Variants in SMOC1 observed in about 807,000 individuals in gnomAD.
The protein encoded by SMOC1 is SPARC related modular calcium binding 1, also known as SPARC-related modular calcium-binding protein 1.
A neutral mutation model predicts 56.3 loss-of-function variants in SMOC1; 22 were observed. The observed-to-expected ratio is 0.39, with a 90% CI of 0.28 to 0.56. The LOEUF is 0.56. Ranked by LOEUF, SMOC1 falls within the 20% of genes least tolerant of loss-of-function variation. The pLI is 0.61. For synonymous variants in SMOC1, 193 were observed against 215.0 expected, an observed-to-expected ratio of 0.90 and a Z score of 0.89; for missense variants, 509 against 565.4, an observed-to-expected ratio of 0.90 and a Z score of 1.01.
intron 7 of SMOC1, among the ~76,000 whole-genome samples, chr14:69,996,819 G>C (rs1477791954): frequency 6.6e-6 from 1 of 152,138 alleles, no homozygotes; most frequent in South Asian, 2.1e-4. Context: ...TGATCAACTG[G>C]TAATATTGAC....
intron 1 of SMOC1, among the ~76,000 whole-genome samples, chr14:69,886,439 A>C (rs928255994): frequency 8.5e-5 from 13 of 152,258 alleles, no homozygotes; most frequent in Non-Finnish European, 1.9e-4. Context: ...GTCCAACCTG[A>C]ACCCCTGCTG....
Position 70,010,823 on chromosome 14 carries a change from G to T in SMOC1, c.734G>T (p.Gly245Val). The change falls in exon 8 of 12, where the codon GGT becomes GTT. Residue 245 changes from glycine (G) to valine (V), a missense_variant. Gly to Val is a moderately radical substitution (Grantham distance 109, BLOSUM62 -3). This residue lies in a region of SMOC1 where 315 missense variants were observed against 333.1 expected (regional missense o/e 0.95). Coordinates refer to ENST00000361956, the MANE Select transcript of SMOC1 (RefSeq NM_001034852.3). ...GAGGCCCAGCAGAATCCCCGTGAGG[G>T]TATTGTCATCCCTGAATGTGCCCCT... is the stretch of plus-strand genomic sequence containing the variant. ...LEEAQQNPRE[G>V]IVIPECAPGG... is the part of the protein sequence containing the mutation. The T allele has an allele frequency of 6.2e-7, 1 of 1,614,232 alleles. No homozygotes were observed. Among genetic ancestry groups the T allele is most frequent in the Non-Finnish European group, 8.5e-7 (1 of 1,180,036 alleles).
At chr14:69,905,966 A>G (rs192738908) in intron 1 of SMOC1, among the ~76,000 whole-genome samples, 7 of 152,350 alleles carry the variant, frequency 4.6e-5, no homozygotes, top group Admixed American at 3.3e-4. Context: ...GCAATCACCA[A>G]TGTGTAGATG....
In SMOC1 at chr14:70,030,711, C is replaced by T. The variant is rs1378356157; in HGVS notation, c.*453C>T. On this transcript the variant is annotated 3_prime_UTR_variant, in exon 12 of 12. Coordinates refer to ENST00000361956, the MANE Select transcript of SMOC1 (RefSeq NM_001034852.3). ...TGGTGGGCACTCTGGACACATAGTC[C>T]AGCTTTCTAAAATCCAGGACTCTAT... The T allele has an allele frequency of 1.8e-5, 3 of 162,770 alleles. No individual in the cohort carries two copies. Among genetic ancestry groups the T allele is most frequent in the Non-Finnish European group, 4.0e-5 (3 of 74,870 alleles). 10.1% of individuals were successfully genotyped at this position (162,770 alleles called of 1,614,324 possible).
chr14:69,962,028 G>T (rs1192025108), intron 3 of SMOC1, among the ~76,000 whole-genome samples: 1 of 152,136 alleles, frequency 6.6e-6, no homozygotes, highest in East Asian at 1.9e-4. Context: ...ATCTTTTCAT[G>T]TGCTTTTTGG....
intron 1 of SMOC1, among the ~76,000 whole-genome samples, chr14:69,939,581 T>C (rs1177628381): frequency 4.6e-5 from 7 of 152,218 alleles, no homozygotes. Flanking sequence ...AAGTTCTCTC[T>C]AAGTTTGGGG....
Position 69,992,484 on chromosome 14 carries a change from G to T in SMOC1, c.583+11G>T. The stretch of plus-strand genomic sequence containing the variant: ...TGTTCGATGGAGATGGTAAGATCTT[G>T]CATTACTTCTGATGTTCATTCTCCC... On this transcript the variant is annotated intron_variant, in intron 6 of 11. Coordinates refer to ENST00000361956, the MANE Select transcript of SMOC1 (RefSeq NM_001034852.3). 6.2e-7 allele frequency: 1 copy of T among 1,605,600 alleles called. No individual in the cohort carries two copies. Among genetic ancestry groups the T allele is most frequent in the Non-Finnish European group, 8.5e-7 (1 of 1,172,220 alleles).
intron 1 of SMOC1, among the ~76,000 whole-genome samples, chr14:69,889,826 C>A (rs1263455672): frequency 6.6e-6 from 1 of 152,200 alleles, no homozygotes; most frequent in Non-Finnish European, 1.5e-5. Context: ...CGGCTTGTGG[C>A]CCCTTCCACC....
At chr14:69,892,813 C>A (rs1216825895) in intron 1 of SMOC1, among the ~76,000 whole-genome samples, 1 of 152,106 alleles carries the variant, frequency 6.6e-6, no homozygotes, top group Non-Finnish European at 1.5e-5. Context: ...TGATACCATA[C>A]CACAACCAAA....
intron 3 of SMOC1, among the ~76,000 whole-genome samples, chr14:69,967,834 T>C (rs1883626458): frequency 6.6e-6 from 1 of 152,210 alleles, no homozygotes; most frequent in African/African-American, 2.4e-5. Context: ...TTTTCCCTTC[T>C]ACTCCTGTTG....
chr14:69,960,986 C>A (rs1883348949), intron 3 of SMOC1, among the ~76,000 whole-genome samples: 1 of 152,078 alleles, frequency 6.6e-6, no homozygotes, highest in African/African-American at 2.4e-5. Flanking sequence ...CACAGTTATG[C>A]AACCATCATC....
At position 69,879,642 on chromosome 14, in the gene SMOC1, C is replaced by T. The variant is rs1321915740; in HGVS notation, c.-37C>T. On this transcript the variant is annotated 5_prime_UTR_variant, in exon 1 of 12. Coordinates refer to ENST00000361956, the MANE Select transcript of SMOC1 (RefSeq NM_001034852.3). ...CTGTGCGCCCCGCGGAGCCCGCGAA[C>T]CCCGCTCGCTGCCGGCTGCCCAGCC... 3 of 1,452,876 alleles carry T rather than the reference C, an allele frequency of 2.1e-6. No individual in the cohort carries two copies. The highest frequency in any genetic ancestry group is 1.3e-5 in the South Asian group (1 of 74,288). 90.0% of individuals were successfully genotyped at this position (1,452,876 alleles called of 1,614,324 possible).
intron 1 of SMOC1, among the ~76,000 whole-genome samples, chr14:69,934,534 G>T (rs964545244): frequency 1.3e-5 from 2 of 152,224 alleles, no homozygotes; most frequent in Non-Finnish European, 2.9e-5. Flanking sequence ...AACCACAGGG[G>T]AGAAGTGTTG....
chr14:69,944,623 C>T (rs1882712384), intron 1 of SMOC1, among the ~76,000 whole-genome samples: 14 of 152,056 alleles, frequency 9.2e-5, no homozygotes, highest in Admixed American at 8.5e-4. Context: ...CAAGTGCATG[C>T]GTATGGTAGC....
At chr14:69,945,964 C>G (rs1882766344) in intron 1 of SMOC1, among the ~76,000 whole-genome samples, 5 of 152,286 alleles carry the variant, frequency 3.3e-5, no homozygotes, top group Admixed American at 3.3e-4. Flanking sequence ...GTTAAGTCAG[C>G]ATTATACTAA....
intron 1 of SMOC1, among the ~76,000 whole-genome samples, chr14:69,947,201 T>A (rs903676266): frequency 2.0e-5 from 3 of 151,714 alleles, no homozygotes; most frequent in African/African-American, 7.3e-5. Context: ...CTTTCATTCT[T>A]ATTCTGTCAC....
rs1299822909 is a variant in SMOC1 at position 69,895,654 on chromosome 14, A to G, written c.99+15877A>G. ...TCGGAAAACCTTCGGGAAGATTGAC[A>G]GCTGAAATGAACAGAGATCAGGATG... On this transcript the variant is annotated intron_variant, in intron 1 of 11. Coordinates refer to ENST00000361956, the MANE Select transcript of SMOC1 (RefSeq NM_001034852.3). Among the ~76,000 whole-genome samples the G allele has an allele frequency of 2.0e-5, 3 of 152,210 alleles. No individual in the cohort carries two copies. In the East Asian group the frequency reaches 5.8e-4, roughly 29 times the overall value.
Position 69,989,791 on chromosome 14 carries a change from T to C in SMOC1, c.527-2626T>C, listed in dbSNP as rs547057372. 3.3e-5 allele frequency among the ~76,000 whole-genome samples: 5 copies of C among 152,304 alleles called. No individual in the cohort carries two copies. The East Asian group carries it at 9.7e-4, about 29-fold the overall frequency. ...TCCAGGGCTTGCCTGGAAGCAGAAC[T>C]GATGTAGACCTTGGACCTAGGCCTT... is the stretch of plus-strand genomic sequence containing the variant. On this transcript the variant is annotated intron_variant, in intron 5 of 11. Transcript: ENST00000361956.
chr14:69,992,385 C>T, intron 5 of SMOC1, 32 bp from the exon 6 acceptor site: 2 of 1,612,542 alleles, frequency 1.2e-6, no homozygotes, highest in Non-Finnish European at 1.7e-6. Flanking sequence ...TAATGGTAGT[C>T]TCCTTTCGAT....
Sources: gnomAD v4.1 joint callset for allele counts (sites outside exome capture counted in the v4.1 genomes callset) on GRCh38, gnomAD v4.1.1 for gene constraint, gnomAD v4.1.1 regional missense constraint, MANE v1.5 for transcripts, NCBI Gene and HGNC (gene_info 2026-07-23, HGNC 2026-07-21) for gene names.